ZGPAT: variants seen among roughly 807,000 people sequenced by gnomAD.
ZGPAT encodes the protein zinc finger CCCH-type with G patch domain-containing protein.
Under a neutral mutation model 47.9 loss-of-function variants are expected in ZGPAT, and 39 were observed. That is an observed-to-expected ratio of 0.81 (90% CI 0.63 to 1.06). ZGPAT has a LOEUF of 1.06. ZGPAT is among the 50% of genes least tolerant of loss of function. ZGPAT has a pLI of 0.00. For synonymous variants in ZGPAT, 348 were observed against 292.9 expected (o/e 1.19, Z -1.92); for missense variants, 717 against 681.4 (o/e 1.05, Z -0.58).
At chr20:63,721,728 C>T (rs911471714) in intron 2 of ZGPAT, among the ~76,000 whole-genome samples, 1 of 152,008 alleles carries the variant, frequency 6.6e-6, no homozygotes, top group African/African-American at 2.4e-5. Flanking sequence ...CCTGTAAATG[C>T]CTTCAGGCCA....
In ZGPAT at chr20:63,708,916, A is replaced by G. The variant is rs753318961; in HGVS notation, c.336A>G (p.Glu112=). Residue 112 remains glutamate, a synonymous_variant, in exon 2 of 7, where the codon GAA becomes GAG. Transcript: ENST00000355969. ...TTCCTAAAGCAGAGGCGGGGCCAGA[A>G]TCTGCGGCAGGTGGGCAGGAGGAGG... is the stretch of plus-strand genomic sequence containing the variant. ...ETVPKAEAGP[E]SAAGGQEEEE... 4 of 1,612,454 alleles carry G rather than the reference A, an allele frequency of 2.5e-6. No individual in the cohort carries two copies. The East Asian group carries it at 8.9e-5, about 36-fold the overall frequency.
At chr20:63,732,163 G>C (rs149261067) in intron 2 of ZGPAT, among the ~76,000 whole-genome samples, 16 of 152,132 alleles carry the variant, frequency 1.1e-4, no homozygotes, top group African/African-American at 3.9e-4. Context: ...GTGTGCGCGT[G>C]TGGGTGACTG....
intron 2 of ZGPAT, among the ~76,000 whole-genome samples, chr20:63,727,278 T>C (rs2091855335): frequency 6.6e-6 from 1 of 151,404 alleles, no homozygotes. Context: ...TCTGCCTCTG[T>C]TGCCCAGGCT....
intron 2 of ZGPAT, among the ~76,000 whole-genome samples, chr20:63,709,885 G>C (rs1216117409): frequency 6.6e-6 from 1 of 151,818 alleles, no homozygotes; most frequent in African/African-American, 2.4e-5. Context: ...TTTTGAGATG[G>C]AGTCTTGTTC....
intron 2 of ZGPAT, among the ~76,000 whole-genome samples, chr20:63,723,990 G>A (rs922532943): frequency 1.3e-5 from 2 of 152,194 alleles, no homozygotes; most frequent in African/African-American, 4.8e-5. Flanking sequence ...TAAGGTGGGA[G>A]GATCACTTGA....
At chr20:63,715,579 A>G (rs926167641) in intron 2 of ZGPAT, among the ~76,000 whole-genome samples, 7 of 152,146 alleles carry the variant, frequency 4.6e-5, no homozygotes, top group Non-Finnish European at 8.8e-5. Context: ...CTTATCATGT[A>G]ATAACATTGC....
intron 2 of ZGPAT, among the ~76,000 whole-genome samples, chr20:63,720,502 A>G (rs1220873430): frequency 1.3e-5 from 2 of 151,240 alleles, no homozygotes; most frequent in Non-Finnish European, 2.9e-5. Flanking sequence ...CCCAGGCTGT[A>G]GTGCAGTGGC....
chr20:63,731,719 TTGTG>T (rs35923657), intron 2 of ZGPAT, among the ~76,000 whole-genome samples: 11 of 130,416 alleles, frequency 8.4e-5, no homozygotes, highest in Non-Finnish European at 1.5e-4. Context: ...GTGTGTGAGA[TTGTG>T]TGTGCATACG....
intron 4 of ZGPAT, chr20:63,733,984 A>G: frequency 1.8e-6 from 1 of 548,562 alleles, no homozygotes; most frequent in East Asian, 3.3e-5. Context: ...GGCTGTGGCC[A>G]TGGGAGAGGA....
At position 63,709,140 on chromosome 20, in the gene ZGPAT, A is replaced by G. The variant is rs1334905385; in HGVS notation, c.560A>G (p.Lys187Arg). 6.2e-7 allele frequency: 1 copy of G among 1,611,910 alleles called. No homozygotes were observed. Among genetic ancestry groups the G allele is most frequent in the Admixed American group, 1.7e-5 (1 of 60,028 alleles). Reference sequence around the variant, plus strand: ...CCGTGCCCGTTCTTCCTGGAGGGAAAGTGCCGCTTTAAGGAGAACTGCAGG... The same window carrying G: ...CCGTGCCCGTTCTTCCTGGAGGGAAGGTGCCGCTTTAAGGAGAACTGCAGG... ...LKPCPFFLEG[K>R]CRFKENCRFS... Residue 187 changes from lysine (K) to arginine (R), a missense_variant, in exon 2 of 7, where the codon AAG becomes AGG. Transcript: ENST00000355969.
rs1242352150 is a variant in ZGPAT, at chr20:63,708,955, C to T, written c.375C>T (p.Asp125=). Residue 125 remains aspartate, a synonymous_variant, in exon 2 of 7, where the codon GAC becomes GAT. Transcript: ENST00000355969. ...AGGQEEEEGE[D]EEELSGTKVS... is the part of the protein sequence containing the mutation. ...GGCAGGAGGAGGAAGAGGGAGAGGA[C>T]GAGGAAGAGCTGAGTGGGACAAAGG... 1.9e-6 allele frequency: 3 copies of T among 1,613,206 alleles called. No individual in the cohort carries two copies. Among genetic ancestry groups the T allele is most frequent in the Admixed American group, 1.7e-5 (1 of 60,002 alleles).
intron 2 of ZGPAT, among the ~76,000 whole-genome samples, chr20:63,732,699 T>C (rs1193828606): frequency 1.3e-5 from 2 of 151,942 alleles, no homozygotes; most frequent in Non-Finnish European, 2.9e-5. Flanking sequence ...TATGCATGTG[T>C]ATACATGTGT....
At chr20:63,712,269 C>T (rs2145639897) in intron 2 of ZGPAT, among the ~76,000 whole-genome samples, 1 of 152,282 alleles carries the variant, frequency 6.6e-6, no homozygotes, top group Non-Finnish European at 1.5e-5. Context: ...TGCTTTTTCT[C>T]CACTGAATGG....
At position 63,708,703 on chromosome 20, in the gene ZGPAT, G is replaced by C; in HGVS notation, c.123G>C (p.Gly41=). 1.2e-6 allele frequency: 2 copies of C among 1,612,814 alleles called. No homozygotes were observed. The highest frequency in any genetic ancestry group is 8.5e-7 in the Non-Finnish European group (1 of 1,179,938). Residue 41 remains glycine (G), a synonymous_variant, in exon 2 of 7, where the codon GGG becomes GGC. Coordinates refer to ENST00000355969, the MANE Select transcript of ZGPAT (RefSeq NM_181485.3). Reference sequence around the variant, plus strand: ...AGGCTGACCTGCGCCAGCTGCAGGGGGACCTGAAGGAGCTCATCGAGCTCA... The same window carrying C: ...AGGCTGACCTGCGCCAGCTGCAGGGCGACCTGAAGGAGCTCATCGAGCTCA... The part of the protein sequence containing the change: ...SEQADLRQLQ[G]DLKELIELTE...
At chr20:63,709,244 C>T (rs1008600623) in intron 2 of ZGPAT, 80 bp downstream of exon 2, 5 of 1,511,688 alleles carry the variant, frequency 3.3e-6, no homozygotes, top group African/African-American at 2.7e-5. Context: ...TCGGCCCTCC[C>T]TTTGCTTTGC....
chr20:63,735,420 G>T lies in ZGPAT; in HGVS notation c.1253G>T (p.Gly418Val). The T allele has an allele frequency of 6.4e-7, 1 of 1,571,956 alleles. No homozygotes were observed. Among genetic ancestry groups the T allele is most frequent in the Non-Finnish European group, 8.6e-7 (1 of 1,161,626 alleles). ...CTAGAAGCCGGGGCGGCCCCAGCGG[G>T]GAGGAGGAGCAAGGACATGTACCAT... ...GALEAGAAPA[G>V]RRSKDMYHAS... The change falls in exon 6 of 7, where the codon GGG (glycine) becomes GTG (valine). Residue 418 changes from glycine (G) to valine (V), a missense_variant. Physicochemically the swap from Gly to Val is moderately radical, Grantham distance 109. Coordinates refer to ENST00000355969, the MANE Select transcript of ZGPAT (RefSeq NM_181485.3).
Position 63,715,427 on chromosome 20 carries a change from G to A in ZGPAT, c.584+6263G>A, listed in dbSNP as rs1320471438. Among the ~76,000 whole-genome samples, 5 of 151,916 alleles carry A rather than the reference G, an allele frequency of 3.3e-5. No individual in the cohort carries two copies. In the East Asian group the frequency reaches 9.7e-4, roughly 29 times the overall value. On this transcript the variant is annotated intron_variant, in intron 2 of 6. Transcript: ENST00000355969. ...GCTAATTTTTTGTGTTTTTAGTTGA[G>A]ACGGTGTTTTGCCATGTTGGACAGG...
At chr20:63,714,528 T>C (rs1244034612) in intron 2 of ZGPAT, among the ~76,000 whole-genome samples, 2 of 152,172 alleles carry the variant, frequency 1.3e-5, no homozygotes, top group African/African-American at 4.8e-5. Flanking sequence ...GGAAAACTTT[T>C]AGTCTTTCAC....
In ZGPAT at chr20:63,735,578, C is replaced by T; in HGVS notation, c.1397+14C>T. ...CAACGCTGGCCGGTACGTGTGGGGC[C>T]CAGCTCAGGGCAAAGGGCGACCCAG... is the stretch of plus-strand genomic sequence containing the variant. On this transcript the variant is annotated intron_variant, in intron 6 of 6. Transcript: ENST00000355969. 1 of 1,513,528 alleles carries T rather than the reference C, an allele frequency of 6.6e-7. No individual in the cohort carries two copies. The highest frequency in any genetic ancestry group is 8.8e-7 in the Non-Finnish European group (1 of 1,132,722). The allele number at this position is 1,513,528 out of a possible 1,614,324, so 93.8% of individuals were successfully genotyped here.
Sources: allele counts gnomAD v4.1 joint callset (sites outside exome capture counted in the v4.1 genomes callset), GRCh38; gene constraint gnomAD v4.1.1; transcripts MANE v1.5; gene names NCBI Gene and HGNC (gene_info 2026-07-23, HGNC 2026-07-21).